Variants in PER3 observed in about 807,000 individuals in gnomAD.
The protein encoded by PER3 is period circadian regulator 3.
PER3 carries 107 observed loss-of-function variants against 127.2 expected under a neutral mutation model. That is an observed-to-expected ratio of 0.84 (90% confidence interval 0.72 to 0.99). The LOEUF is 0.99. Ranked by LOEUF, PER3 falls within the 50% of genes least tolerant of loss-of-function variation. PER3 has a pLI of 0.00. For missense variants in PER3, 1,560 were observed against 1,525.8 expected (o/e 1.02, Z -0.37); for synonymous variants, 618 against 585.8 (o/e 1.05, Z -0.79).
At position 7,827,834 on chromosome 1, in the gene PER3, C is replaced by G; in HGVS notation, c.2886+19C>G. 6.4e-7 allele frequency: 1 copy of G among 1,556,968 alleles called. No homozygotes were observed. The highest frequency in any genetic ancestry group is 1.4e-5 in the African/African-American group (1 of 73,760). ...TGAGTATGTAAGTGATGCTCATTTT[C>G]AACACTCAAGTGAGAAAGTGAATAT... is the stretch of plus-strand genomic sequence containing the variant. On this transcript the variant is annotated intron_variant, in intron 18 of 21. Transcript: ENST00000377532.
Position 7,843,784 on chromosome 1 carries a change from A to G in PER3, c.*1029A>G, listed in dbSNP as rs570036657. 1.2e-5 allele frequency: 5 copies of G among 432,772 alleles called. No individual in the cohort carries two copies. The highest frequency in any genetic ancestry group is 4.3e-5 in the South Asian group (1 of 23,402). 26.8% of individuals were successfully genotyped at this position (432,772 alleles called of 1,614,324 possible). A position where few individuals can be genotyped will look rare whatever the true frequency, so the allele number is the denominator to read the frequency against. ...GGCGAGCCCAGTTGTCCTCGCCCAC[A>G]GGGTCCTGCAGGCTCCATCAGTCAC... On this transcript the variant is annotated 3_prime_UTR_variant, in exon 22 of 22. Coordinates refer to ENST00000377532, the MANE Select transcript of PER3 (RefSeq NM_001377275.1).
At chr1:7,804,053 C>T (rs1451083083) in intron 10 of PER3, 1 of 418,600 alleles carries the variant, frequency 2.4e-6, no homozygotes, top group Non-Finnish European at 4.2e-6. Flanking sequence ...GCTTAAATAT[C>T]CATCATTAAG....
chr1:7,832,710 T>C (rs915588334), intron 19 of PER3, among the ~76,000 whole-genome samples: 2 of 46,614 alleles, frequency 4.3e-5, no homozygotes, highest in Admixed American at 2.9e-4. Context: ...CTCTTTACTT[T>C]GGATTTTATT....
At chr1:7,832,465 C>G (rs190448683) in intron 19 of PER3, among the ~76,000 whole-genome samples, 15 of 150,296 alleles carry the variant, frequency 1.0e-4, no homozygotes, top group African/African-American at 1.5e-4. Context: ...CCTCCACCTC[C>G]CAGGATCAAG....
At chr1:7,809,191 A>G (rs2097208539) in intron 11 of PER3, among the ~76,000 whole-genome samples, 193 bp downstream of exon 11, 1 of 152,224 alleles carries the variant, frequency 6.6e-6, no homozygotes, top group East Asian at 1.9e-4. Context: ...GTTACACAGA[A>G]TATTTTTGTA....
chr1:7,784,854 G>A lies in PER3; in HGVS notation c.-24G>A, dbSNP rs769232646. On this transcript the variant is annotated 5_prime_UTR_variant, in exon 2 of 22. The change creates a new upstream start codon in the 5' untranslated region. Coordinates refer to ENST00000377532, the MANE Select transcript of PER3 (RefSeq NM_001377275.1). ...AGGCTGCGGGCCGTCCCAGCACGAC[G>A]TGGAGCCCCGCGGAGACCTCGAGAT... 8.2e-6 allele frequency: 12 copies of A among 1,459,046 alleles called. No homozygotes were observed. Among genetic ancestry groups the A allele is most frequent in the East Asian group, 2.8e-5 (1 of 36,274 alleles). 90.4% of individuals were successfully genotyped at this position (1,459,046 alleles called of 1,614,324 possible).
At chr1:7,794,084 G>T in intron 6 of PER3, 76 bp downstream of exon 6, 1 of 1,168,238 alleles carries the variant, frequency 8.6e-7, no homozygotes. Flanking sequence ...TTTGATTCTT[G>T]TGTATTCAGC....
chr1:7,832,750 T>C (rs1468068582), intron 19 of PER3, among the ~76,000 whole-genome samples: 1 of 152,102 alleles, frequency 6.6e-6, no homozygotes, highest in African/African-American at 2.4e-5. Context: ...AGGTAGAAGC[T>C]TACTTGTTAG....
intron 18 of PER3, among the ~76,000 whole-genome samples, chr1:7,828,788 C>T (rs1213035969): frequency 2.0e-5 from 3 of 152,200 alleles, no homozygotes; most frequent in South Asian, 2.1e-4. Context: ...ATAGCTTACT[C>T]TGAGGGCTAA....
At position 7,793,997 on chromosome 1, in the gene PER3, C is replaced by T. The variant is rs1355208967; in HGVS notation, c.633C>T (p.Phe211=). The T allele has an allele frequency of 4.3e-6, 7 of 1,613,708 alleles. No individual in the cohort carries two copies. Among genetic ancestry groups the T allele is most frequent in the Non-Finnish European group, 5.1e-6 (6 of 1,179,604 alleles). ...RYECAPVKPF[F]CRIRGGEDRK... is the part of the protein sequence containing the mutation. ...AATGTGCTCCGGTGAAACCTTTTTTCTGCAGGATCCGGTAAGTATAGTGGC... is the reference window on the plus strand; with the variant it reads ...AATGTGCTCCGGTGAAACCTTTTTTTTGCAGGATCCGGTAAGTATAGTGGC... Residue 211 remains phenylalanine (F), a synonymous_variant, in exon 6 of 22, where the codon TTC becomes TTT. Transcript: ENST00000377532.
chr1:7,785,618 G>A, intron 3 of PER3, 32 bp downstream of exon 3: 1 of 1,597,306 alleles, frequency 6.3e-7, no homozygotes, highest in Non-Finnish European at 8.6e-7. Flanking sequence ...TTCATCCTAC[G>A]AATGCACCAG....
At chr1:7,794,999 CAA>C (rs2097138986) in intron 6 of PER3, among the ~76,000 whole-genome samples, 1 of 151,936 alleles carries the variant, frequency 6.6e-6, no homozygotes, top group African/African-American at 2.4e-5. Context: ...ACTAAATGCT[CAA>C]GATGTTTAGA....
chr1:7,829,717 A>G lies in PER3; in HGVS notation c.2887-117A>G, dbSNP rs952594675. 9.0e-6 allele frequency: 7 copies of G among 773,606 alleles called. No homozygotes were observed. In the Admixed American group the frequency reaches 1.9e-4, roughly 21 times the overall value. 47.9% of individuals were successfully genotyped at this position (773,606 alleles called of 1,614,324 possible). On this transcript the variant is annotated intron_variant, in intron 18 of 21. Transcript: ENST00000377532. The stretch of plus-strand genomic sequence containing the variant: ...GGAATTTTCCATTTACTATTTTTGG[A>G]CCTTGGTTGACCACAGGTAACTGAA...
chr1:7,838,987 G>C (rs1380684598), intron 21 of PER3, among the ~76,000 whole-genome samples: 1 of 150,384 alleles, frequency 6.6e-6, no homozygotes, highest in African/African-American at 2.4e-5. Flanking sequence ...TTTGCTATTT[G>C]TTTTCTATGT....
At chr1:7,834,441 G>A (rs1046424307) in intron 19 of PER3, among the ~76,000 whole-genome samples, 3 of 151,952 alleles carry the variant, frequency 2.0e-5, no homozygotes, top group African/African-American at 7.3e-5. Context: ...AAGTTGTTTT[G>A]TGTGAGTGTT....
At chr1:7,803,924 CT>C in intron 10 of PER3, 76 bp downstream of exon 10, 1 of 1,187,122 alleles carries the variant, frequency 8.4e-7, no homozygotes, top group East Asian at 2.3e-5. Flanking sequence ...TGACTGCCCT[CT>C]GACTCAATTG....
In PER3 at chr1:7,810,544, C is replaced by G. The variant is rs781215019; in HGVS notation, c.1478C>G (p.Thr493Arg). 51 of 1,613,672 alleles carry G rather than the reference C, an allele frequency of 3.2e-5. No homozygotes were observed. The highest frequency in any genetic ancestry group is 4.3e-5 in the Non-Finnish European group (51 of 1,179,944). ...TKSSFKPVTG[T>R]RTEPNGGGES... ...TCATCATTCAAGCCAGTGACGGGGA[C>G]ACGCACAGAACCGAATGGTGGTGGT... Residue 493 changes from threonine (T) to arginine (R), a missense_variant, in exon 13 of 22, where the codon ACA (threonine) becomes AGA (arginine). Transcript: ENST00000377532.
At chr1:7,811,133 A>G (rs2097217415) in intron 13 of PER3, among the ~76,000 whole-genome samples, 1 of 152,364 alleles carries the variant, frequency 6.6e-6, no homozygotes, top group South Asian at 2.1e-4. Flanking sequence ...ATTGTATGGC[A>G]TAGGGGATGT....
At chr1:7,833,399 T>A (rs1261884293) in intron 19 of PER3, among the ~76,000 whole-genome samples, 1 of 152,252 alleles carries the variant, frequency 6.6e-6, no homozygotes, top group Non-Finnish European at 1.5e-5. Context: ...CTATTTTTTC[T>A]TATAGTGCAG....
Sources: allele counts gnomAD v4.1 joint callset (sites outside exome capture counted in the v4.1 genomes callset), GRCh38; gene constraint gnomAD v4.1.1; transcripts MANE v1.5; gene names NCBI Gene and HGNC (gene_info 2026-07-23, HGNC 2026-07-21).